CDK13: variants seen among roughly 807,000 people sequenced by gnomAD.
CDK13 encodes the protein cyclin-dependent kinase 13.
A neutral mutation model predicts 137.6 loss-of-function variants in CDK13; 40 were observed. The ratio of observed to expected loss-of-function variants is 0.29; its 90% CI spans 0.23 to 0.38. The LOEUF is 0.38. Among genes scored for constraint, CDK13 ranks in the 10% least tolerant of loss-of-function variants. CDK13 has a pLI of 1.00. For missense variants in CDK13, 1,704 were observed against 1,951.8 expected, an observed-to-expected ratio of 0.87 and a Z score of 2.39; for synonymous variants, 869 against 760.1, an observed-to-expected ratio of 1.14 and a Z score of -2.36.
Position 39,997,549 on chromosome 7 carries a change from C to T in CDK13, c.1927C>T (p.Arg643Ter). The change falls in exon 3 of 14, where the codon CGA (arginine) becomes TGA (stop). Residue 643 changes from arginine to a stop codon, truncating the protein, a stop_gained. Coordinates refer to ENST00000181839, the MANE Select transcript of CDK13 (RefSeq NM_003718.5). LOFTEE classifies it high-confidence loss of function. ...AVKKEVEKKL[R>*]CLLADLPLPP... ...TAAAAAAGAAGTAGAAAAGAAACTC[C>T]GATGTCTTCTTGCTGATTTACCGCT... is the stretch of plus-strand genomic sequence containing the variant. 6.2e-7 allele frequency: 1 copy of T among 1,603,726 alleles called. No homozygotes were observed.
At chr7:40,057,614 C>T (rs1786049012) in intron 7 of CDK13, among the ~76,000 whole-genome samples, 1 of 152,182 alleles carries the variant, frequency 6.6e-6, no homozygotes, top group African/African-American at 2.4e-5. Flanking sequence ...CTATGAGTAT[C>T]TGCCACGAAT....
intron 1 of CDK13, among the ~76,000 whole-genome samples, chr7:39,980,358 T>C (rs184601678): frequency 6.6e-6 from 1 of 152,264 alleles, no homozygotes; most frequent in Non-Finnish European, 1.5e-5. Context: ...TCTAGTAATA[T>C]AGATTAGAGT....
intron 5 of CDK13, among the ~76,000 whole-genome samples, chr7:40,019,959 C>CT (rs1313900783): frequency 6.6e-6 from 1 of 152,118 alleles, no homozygotes; most frequent in African/African-American, 2.4e-5. Context: ...GATTTTTGCA[C>CT]TTTCATGAAG....
chr7:39,955,606 TC>T (rs1318619271), intron 1 of CDK13, among the ~76,000 whole-genome samples: 1 of 152,042 alleles, frequency 6.6e-6, no homozygotes, highest in Non-Finnish European at 1.5e-5. Flanking sequence ...TGGTTTCTGT[TC>T]CTTGGCCATT....
chr7:40,011,671 C>T (rs1349306817), intron 5 of CDK13, among the ~76,000 whole-genome samples: 3 of 151,784 alleles, frequency 2.0e-5, no homozygotes, highest in Non-Finnish European at 4.4e-5. Flanking sequence ...GCACTAAAAC[C>T]ATAAACCTAT....
chr7:40,019,798 G>A, intron 5 of CDK13, among the ~76,000 whole-genome samples: 1 of 152,102 alleles, frequency 6.6e-6, no homozygotes, highest in East Asian at 1.9e-4. Flanking sequence ...ATGGGAATCT[G>A]TTAGCTTACA....
chr7:40,054,418 A>G (rs112422987), intron 7 of CDK13, among the ~76,000 whole-genome samples: 14 of 152,174 alleles, frequency 9.2e-5, no homozygotes, highest in African/African-American at 3.1e-4. Context: ...CATGAAAGTT[A>G]TATTAAAGTC....
intron 5 of CDK13, among the ~76,000 whole-genome samples, chr7:40,003,198 A>ACCCT (rs1408905892): frequency 1.1e-5 from 1 of 89,418 alleles, no homozygotes; most frequent in Non-Finnish European, 2.4e-5. Context: ...ACACACACAC[A>ACCCT]CACACACACT....
intron 1 of CDK13, among the ~76,000 whole-genome samples, chr7:39,975,221 C>T (rs1226302895): frequency 2.0e-5 from 3 of 152,050 alleles, no homozygotes; most frequent in Non-Finnish European, 4.4e-5. Flanking sequence ...TGAGATTAGC[C>T]TGGGAAACAT....
intron 7 of CDK13, among the ~76,000 whole-genome samples, chr7:40,060,177 A>T (rs1044308026): frequency 1.3e-5 from 2 of 152,226 alleles, no homozygotes; most frequent in African/African-American, 4.8e-5. Flanking sequence ...TATACAATAT[A>T]TAAAATAATC....
In CDK13 at chr7:39,951,181, T is replaced by C. The variant is rs1583892437; in HGVS notation, c.540T>C (p.Ser180=). Residue 180 remains serine (S), a synonymous_variant, in exon 1 of 14, where the codon AGT becomes AGC. Coordinates refer to ENST00000181839, the MANE Select transcript of CDK13 (RefSeq NM_003718.5). The part of the protein sequence containing the change: ...AAGGTGGSGG[S]PASSSGTQRR... ...GGGGAACGGGGGGCAGCGGCGGGAG[T>C]CCGGCCTCCTCCTCCGGCACCCAGC... 8.1e-7 allele frequency: 1 copy of C among 1,240,840 alleles called. No homozygotes were observed. The highest frequency in any genetic ancestry group is 3.6e-5 in the South Asian group (1 of 27,410). 76.9% of individuals were successfully genotyped at this position (1,240,840 alleles called of 1,614,324 possible).
chr7:39,955,959 A>G (rs1289813412), intron 1 of CDK13, among the ~76,000 whole-genome samples: 1 of 152,174 alleles, frequency 6.6e-6, no homozygotes, highest in Non-Finnish European at 1.5e-5. Context: ...AGAACCTAAG[A>G]ATCTGAAAAA....
chr7:39,951,652 C>A lies in CDK13; in HGVS notation c.1011C>A (p.Ser337Arg). The A allele has an allele frequency of 6.8e-7, 1 of 1,477,590 alleles. No individual in the cohort carries two copies. The allele number at this position is 1,477,590 out of a possible 1,614,324, so 91.5% of individuals were successfully genotyped here. ...ACAGGGCCTCTCAGAGCCTGAGGAG[C>A]CGCAAGTCCCCCAGCCCGGCAGGAG... ...VSHRASQSLR[S>R]RKSPSPAGGG... Residue 337 changes from serine (S) to arginine (R), a missense_variant, in exon 1 of 14, where the codon AGC (serine) becomes AGA (arginine). Transcript: ENST00000181839.
chr7:39,989,106 A>G (rs1056471005), intron 2 of CDK13, among the ~76,000 whole-genome samples: 68 of 122,626 alleles, frequency 5.5e-4, no homozygotes, highest in Non-Finnish European at 8.4e-4. Flanking sequence ...AAAAAAAAAA[A>G]AAAAAGAGAA....
At chr7:39,974,358 G>A (rs563606434) in intron 1 of CDK13, among the ~76,000 whole-genome samples, 2 of 152,126 alleles carry the variant, frequency 1.3e-5, no homozygotes, top group East Asian at 1.9e-4. Context: ...GAGCCAGCGC[G>A]CCTGGCCAGG....
intron 2 of CDK13, among the ~76,000 whole-genome samples, chr7:39,996,983 A>AAAAAAAG (rs1562719391): frequency 8.8e-4 from 125 of 141,406 alleles, no homozygotes; most frequent in African/African-American, 3.0e-3. Flanking sequence ...AAAAGAAAAA[A>AAAAAAAG]AAAAAGAAAA....
chr7:39,988,848 G>T (rs573484209), intron 2 of CDK13, among the ~76,000 whole-genome samples: 1 of 152,064 alleles, frequency 6.6e-6, no homozygotes, highest in East Asian at 1.9e-4. Flanking sequence ...TTGGGAGGCC[G>T]AGGCGGGTGG....
At chr7:39,976,313 T>TCACACACACA in intron 1 of CDK13, among the ~76,000 whole-genome samples, 1 of 74,268 alleles carries the variant, frequency 1.3e-5, no homozygotes, top group Admixed American at 1.4e-4. Context: ...TCTCTCTCTC[T>TCACACACACA]CTCTCTCTCT....
intron 5 of CDK13, among the ~76,000 whole-genome samples, chr7:40,040,112 A>G (rs1033866520): frequency 6.6e-5 from 10 of 152,082 alleles, no homozygotes; most frequent in Admixed American, 3.3e-4. Context: ...CCCAGATTCA[A>G]GCGATTCTCC....
Sources: allele counts gnomAD v4.1 joint callset (sites outside exome capture counted in the v4.1 genomes callset), GRCh38; gene constraint gnomAD v4.1.1; transcripts MANE v1.5; gene names NCBI Gene and HGNC (gene_info 2026-07-23, HGNC 2026-07-21).